PSME4: variants seen among roughly 807,000 people sequenced by gnomAD.
PSME4 encodes the protein proteasome activator subunit 4.
PSME4 carries 89 observed loss-of-function variants against 253.9 expected under a neutral mutation model. The observed-to-expected ratio is 0.35, with a 90% CI of 0.30 to 0.42. The LOEUF is 0.42. Among genes scored for constraint, PSME4 ranks in the 10% least tolerant of loss-of-function variants. The pLI, the probability that PSME4 is intolerant of heterozygous loss-of-function variation, is 1.00. For synonymous variants in PSME4, 851 were observed against 759.2 expected (o/e 1.12, Z -1.99); for missense variants, 2,014 against 2,195.2 (o/e 0.92, Z 1.65).
chr2:53,960,638 C>A (rs1670448377), intron 1 of PSME4, among the ~76,000 whole-genome samples: 1 of 152,202 alleles, frequency 6.6e-6, no homozygotes, highest in South Asian at 2.1e-4. Context: ...CTCTGTCAGT[C>A]CCTTGGGGAA....
chr2:53,875,627 T>G lies in PSME4; in HGVS notation c.4944A>C (p.Gln1648His), dbSNP rs1222797613. The stretch of plus-strand genomic sequence containing the variant: ...ACATAAATATTATAAACACTCTTAC[T>G]TGTTTTAGCACCTGAAGTACCAAAG... ...QVPLVLQVLKQTARSSSWHAR... is the reference protein window; with the variant it reads ...QVPLVLQVLKHTARSSSWHAR... The change falls in exon 42 of 47, where the codon CAA becomes CAC. Residue 1648 changes from glutamine (Q) to histidine (H), a missense_variant and splice_region_variant. Physicochemically the swap from Gln to His is conservative, Grantham distance 24. Around this residue, in one of 4 missense-constraint regions of PSME4, gnomAD observed 403 missense variants for 556.1 expected, o/e 0.72. Coordinates refer to ENST00000404125, the MANE Select transcript of PSME4 (RefSeq NM_014614.3). The G allele has an allele frequency of 6.2e-6, 10 of 1,600,260 alleles. No individual in the cohort carries two copies. The highest frequency in any genetic ancestry group is 2.2e-5 in the East Asian group (1 of 44,788).
intron 44 of PSME4, among the ~76,000 whole-genome samples, chr2:53,867,922 A>G (rs1202304953): frequency 6.6e-6 from 1 of 152,122 alleles, no homozygotes; most frequent in Non-Finnish European, 1.5e-5. Context: ...AAGAGTCTCT[A>G]TTCTTTCTGT....
chr2:53,948,383 AGT>A (rs769280794), intron 3 of PSME4, 36 bp downstream of exon 3: 1 of 1,359,354 alleles, frequency 7.4e-7, no homozygotes, highest in Non-Finnish European at 1.0e-6. Flanking sequence ...AAAAACCCCA[AGT>A]ACTCCCAAAT....
In PSME4 at chr2:53,873,243, A is replaced by AAAAAAAAAAAAAG. The variant is rs1553403170; in HGVS notation, c.5100+1095_5100+1096insCTTTTTTTTTTTT. ...GTAACAGCGAGACTCCGTCTCAAAA[A>AAAAAAAAAAAAAG]AAAAGAAAAAAAAAAACAGTTGTTA... On this transcript the variant is annotated intron_variant, in intron 43 of 46. Coordinates refer to ENST00000404125, the MANE Select transcript of PSME4 (RefSeq NM_014614.3). Among the ~76,000 whole-genome samples, 2 of 151,418 alleles carry AAAAAAAAAAAAAG rather than the reference A, an allele frequency of 1.3e-5. 1 individual carries two copies. Among genetic ancestry groups the AAAAAAAAAAAAAG allele is most frequent in the African/African-American group, 4.9e-5 (2 of 41,104 alleles).
intron 31 of PSME4, 43 bp from the exon 32 acceptor site, chr2:53,896,928 A>G (rs1410768769): frequency 7.1e-7 from 1 of 1,402,294 alleles, no homozygotes. Flanking sequence ...AAAAGTTTAA[A>G]TCACTTAACT....
intron 8 of PSME4, among the ~76,000 whole-genome samples, chr2:53,933,958 C>CT (rs536576057): frequency 1.6e-3 from 237 of 152,082 alleles, no homozygotes; most frequent in Non-Finnish European, 2.9e-3. Flanking sequence ...AAGAAGTAAA[C>CT]TTTTAAACAA....
At position 53,895,052 on chromosome 2, in the gene PSME4, C is replaced by T; in HGVS notation, c.3867G>A (p.Val1289=). 6.2e-7 allele frequency: 1 copy of T among 1,612,462 alleles called. No homozygotes were observed. ...WPKNMVVYAG[V]EEQPKLGRSR... is the part of the protein sequence containing the mutation. The stretch of plus-strand genomic sequence containing the variant: ...TTCTGCCAAGCTTAGGCTGCTCTTC[C>T]ACACCAGCATAAACAACCATATTCC... Residue 1289 remains valine (V), a synonymous_variant, in exon 34 of 47, where the codon GTG becomes GTA. Transcript: ENST00000404125.
chr2:53,946,519 T>C (rs1461361133), intron 3 of PSME4, among the ~76,000 whole-genome samples: 4 of 152,328 alleles, frequency 2.6e-5, no homozygotes, highest in Non-Finnish European at 5.9e-5. Flanking sequence ...CAAACCAGTA[T>C]AGGTCATGGT....
intron 37 of PSME4, among the ~76,000 whole-genome samples, chr2:53,889,696 T>C (rs762679937): frequency 3.3e-5 from 5 of 152,244 alleles, no homozygotes; most frequent in Non-Finnish European, 2.9e-5. Flanking sequence ...TATGGACATA[T>C]CTGGTATAAA....
Position 53,932,672 on chromosome 2 carries a change from C to G in PSME4, c.1046G>C (p.Trp349Ser). Residue 349 changes from tryptophan to serine, a missense_variant, in exon 9 of 47, where the codon TGG becomes TCG. Physicochemically the swap from Trp to Ser is radical, Grantham distance 177. Transcript: ENST00000404125. ...ATGCAAAACGAAGTTACTCACCAGC[C>G]AGCGCCCATTATTTGAAGGATGGTA... ...SFYHPSNNGR[W>S]LNKLMKLLQR... 1 of 1,610,786 alleles carries G rather than the reference C, an allele frequency of 6.2e-7. No homozygotes were observed. Among genetic ancestry groups the G allele is most frequent in the Non-Finnish European group, 8.5e-7 (1 of 1,177,002 alleles).
intron 10 of PSME4, 33 bp downstream of exon 10, chr2:53,931,802 T>A: frequency 6.2e-7 from 1 of 1,606,280 alleles, no homozygotes; most frequent in Non-Finnish European, 8.5e-7. Context: ...AAGAAAAACC[T>A]AGCTGTGGCT....
chr2:53,953,504 A>AAAAAG (rs1670095714), intron 1 of PSME4, among the ~76,000 whole-genome samples: 1 of 150,856 alleles, frequency 6.6e-6, no homozygotes, highest in African/African-American at 2.4e-5. Flanking sequence ...AAAAAAAAAA[A>AAAAAG]AAAGAAAAAG....
chr2:53,938,114 C>T (rs902055859), intron 4 of PSME4, among the ~76,000 whole-genome samples: 1 of 151,962 alleles, frequency 6.6e-6, no homozygotes. Flanking sequence ...CACTCAGTTA[C>T]CTATAAAATT....
At chr2:53,958,538 CTTAA>C (rs1255883659) in intron 1 of PSME4, among the ~76,000 whole-genome samples, 2 of 152,068 alleles carry the variant, frequency 1.3e-5, no homozygotes, top group Non-Finnish European at 2.9e-5. Flanking sequence ...ACACACGAGT[CTTAA>C]TTAAACAGTC....
At chr2:53,940,842 CA>C (rs1455170088) in intron 3 of PSME4, among the ~76,000 whole-genome samples, 7 of 103,564 alleles carry the variant, frequency 6.8e-5, no homozygotes, top group Admixed American at 2.0e-4. Context: ...CCCCAAATCT[CA>C]AAAAAATTTA....
At chr2:53,900,388 T>C (rs1474454843) in intron 28 of PSME4, among the ~76,000 whole-genome samples, 4 of 150,792 alleles carry the variant, frequency 2.7e-5, no homozygotes, top group Non-Finnish European at 5.9e-5. Context: ...GCAAGACCCC[T>C]GTCTCTCTCT....
chr2:53,872,539 G>A (rs537872432), intron 43 of PSME4, among the ~76,000 whole-genome samples: 1 of 151,888 alleles, frequency 6.6e-6, no homozygotes, highest in East Asian at 1.9e-4. Flanking sequence ...CCAGGAGTTT[G>A]AGACCAGCCT....
At chr2:53,892,280 C>T (rs1165876716) in intron 36 of PSME4, among the ~76,000 whole-genome samples, 4 of 152,004 alleles carry the variant, frequency 2.6e-5, no homozygotes, top group African/African-American at 9.7e-5. Flanking sequence ...TTTTTAGTCT[C>T]GTGTATTTTG....
At chr2:53,945,000 AAGT>A (rs1159649525) in intron 3 of PSME4, among the ~76,000 whole-genome samples, 2 of 152,220 alleles carry the variant, frequency 1.3e-5, no homozygotes, top group Admixed American at 6.5e-5. Context: ...AAATTTTAAA[AAGT>A]AGTAAACAAG....
Sources: allele counts gnomAD v4.1 joint callset (sites outside exome capture counted in the v4.1 genomes callset), GRCh38; gene constraint gnomAD v4.1.1; regional missense constraint gnomAD v4.1.1; transcripts MANE v1.5; gene names NCBI Gene and HGNC (gene_info 2026-07-23, HGNC 2026-07-21).